Variants in SHROOM3 observed in about 807,000 individuals in gnomAD.
The protein encoded by SHROOM3 is protein Shroom3.
A neutral mutation model predicts 138.6 loss-of-function variants in SHROOM3; 47 were observed. That is an observed-to-expected ratio of 0.34 (90% CI 0.27 to 0.43). The LOEUF is 0.43. SHROOM3 is among the 20% of genes least tolerant of loss of function. The pLI, the probability that SHROOM3 is intolerant of heterozygous loss-of-function variation, is 1.00. For synonymous variants in SHROOM3, 1,062 were observed against 1,063.3 expected (o/e 1.00, Z 0.02); for missense variants, 2,491 against 2,596.5 (o/e 0.96, Z 0.88).
chr4:76,625,385 A>G (rs1462042053), intron 2 of SHROOM3, among the ~76,000 whole-genome samples: 1 of 152,110 alleles, frequency 6.6e-6, no homozygotes, highest in African/African-American at 2.4e-5. Flanking sequence ...TGGGGATATG[A>G]AACAAATCTT....
chr4:76,740,670 C>T lies in SHROOM3; in HGVS notation c.2497C>T (p.Arg833Cys). Residue 833 changes from arginine (R) to cysteine (C), a missense_variant, in exon 5 of 11, where the codon CGT becomes TGT. By Grantham distance (180) the Arg-to-Cys change is radical. This residue lies in a region of SHROOM3 where 1,733 missense variants were observed against 1,661.6 expected (regional missense o/e 1.04). Coordinates refer to ENST00000296043, the MANE Select transcript of SHROOM3 (RefSeq NM_020859.4). This position sits in a 1 kb window ranked among gnomAD's most constrained non-coding sequence, Gnocchi z 4.0. Reference sequence around the variant, plus strand: ...CTTCGAGGAGACAAAAGCACACATTCGTTTCTCTGAGTCAGCTGAACCCCT... The same window carrying T: ...CTTCGAGGAGACAAAAGCACACATTTGTTTCTCTGAGTCAGCTGAACCCCT... Reference protein sequence around the residue: ...NDFEETKAHIRFSESAEPLGN... With the variant: ...NDFEETKAHICFSESAEPLGN... The T allele has an allele frequency of 2.5e-6, 4 of 1,614,130 alleles. No individual in the cohort carries two copies. Among genetic ancestry groups the T allele is most frequent in the Non-Finnish European group, 2.5e-6 (3 of 1,180,036 alleles).
intron 1 of SHROOM3, among the ~76,000 whole-genome samples, chr4:76,522,777 G>A (rs2110011488): frequency 6.6e-6 from 1 of 152,226 alleles, no homozygotes; most frequent in African/African-American, 2.4e-5. Flanking sequence ...AACAAAGTGA[G>A]ACTCTGTCTC....
At chr4:76,650,863 A>C (rs1735941077) in intron 2 of SHROOM3, among the ~76,000 whole-genome samples, 1 of 152,168 alleles carries the variant, frequency 6.6e-6, no homozygotes, top group African/African-American at 2.4e-5. Flanking sequence ...TACAATAGCT[A>C]AGATTTGGAA....
chr4:76,703,416 A>G (rs1719959000), intron 2 of SHROOM3, among the ~76,000 whole-genome samples: 1 of 151,988 alleles, frequency 6.6e-6, no homozygotes, highest in South Asian at 2.1e-4. Context: ...GGCCTTTTAA[A>G]GAAAGGGTAA....
chr4:76,658,447 T>C (rs140835042), intron 2 of SHROOM3, among the ~76,000 whole-genome samples: 1 of 152,226 alleles, frequency 6.6e-6, no homozygotes, highest in African/African-American at 2.4e-5. Flanking sequence ...TAACAGGAAA[T>C]AGCAAGACTA....
chr4:76,491,873 T>C (rs1172047394), intron 1 of SHROOM3, among the ~76,000 whole-genome samples: 3 of 152,208 alleles, frequency 2.0e-5, no homozygotes, highest in Non-Finnish European at 4.4e-5. Flanking sequence ...ATTTTGGATA[T>C]TAATTTTGGA....
intron 9 of SHROOM3, among the ~76,000 whole-genome samples, chr4:76,763,168 T>C (rs1722041485): frequency 1.3e-5 from 2 of 152,098 alleles, no homozygotes; most frequent in African/African-American, 4.8e-5. Flanking sequence ...GGAGGATTGC[T>C]GGAGCCCAGG....
intron 1 of SHROOM3, among the ~76,000 whole-genome samples, chr4:76,458,775 T>A (rs1731083969): frequency 6.6e-6 from 1 of 152,230 alleles, no homozygotes. Context: ...ATGGAAGCAT[T>A]TTTACCAGGC....
chr4:76,472,565 A>G (rs748185591), intron 1 of SHROOM3, among the ~76,000 whole-genome samples: 7 of 152,116 alleles, frequency 4.6e-5, no homozygotes, highest in Non-Finnish European at 8.8e-5. Flanking sequence ...TCTATATTAT[A>G]TGTACTTTTT....
intron 2 of SHROOM3, among the ~76,000 whole-genome samples, chr4:76,630,533 G>A (rs1258927661): frequency 6.6e-6 from 1 of 152,206 alleles, no homozygotes; most frequent in Non-Finnish European, 1.5e-5. Context: ...GTCGGAGAGA[G>A]CCTTCTGAGT....
At position 76,741,491 on chromosome 4, in the gene SHROOM3, C is replaced by G; in HGVS notation, c.3318C>G (p.Leu1106=). Residue 1106 remains leucine, a synonymous_variant, in exon 5 of 11, where the codon CTC becomes CTG. Coordinates refer to ENST00000296043, the MANE Select transcript of SHROOM3 (RefSeq NM_020859.4). The surrounding 1 kb of genome is among the most constrained non-coding windows in gnomAD (Gnocchi z 6.2). The part of the protein sequence containing the change: ...KRPTSAAGCS[L]QEPGPLRERA... Reference sequence around the variant, plus strand: ...CTACCTCCGCCGCCGGCTGCAGCCTCCAGGAGCCCGGGCCACTGCGTGAGC... The same window carrying G: ...CTACCTCCGCCGCCGGCTGCAGCCTGCAGGAGCCCGGGCCACTGCGTGAGC... 6.4e-7 allele frequency: 1 copy of G among 1,557,342 alleles called. No homozygotes were observed. Among genetic ancestry groups the G allele is most frequent in the Non-Finnish European group, 8.7e-7 (1 of 1,155,982 alleles).
At chr4:76,623,928 G>C (rs1735062759) in intron 2 of SHROOM3, among the ~76,000 whole-genome samples, 1 of 152,202 alleles carries the variant, frequency 6.6e-6, no homozygotes. Context: ...AAAGCATACA[G>C]TGGAGATGGT....
intron 1 of SHROOM3, among the ~76,000 whole-genome samples, chr4:76,514,926 T>TA (rs1402635952): frequency 9.9e-5 from 15 of 151,828 alleles, no homozygotes; most frequent in Non-Finnish European, 1.9e-4. Flanking sequence ...ACCCATTTGT[T>TA]AAAAAAGTTC....
intron 3 of SHROOM3, among the ~76,000 whole-genome samples, chr4:76,711,182 C>T (rs1418388166): frequency 1.3e-5 from 2 of 152,010 alleles, no homozygotes; most frequent in Non-Finnish European, 2.9e-5. Context: ...GTCAGACTAC[C>T]TAAAATTCAA....
At chr4:76,653,163 G>A (rs1477245434) in intron 2 of SHROOM3, among the ~76,000 whole-genome samples, 1 of 152,102 alleles carries the variant, frequency 6.6e-6, no homozygotes, top group African/African-American at 2.4e-5. Context: ...TATCAAGTAT[G>A]ATGATCATTT....
At chr4:76,570,924 C>G (rs560157968) in intron 2 of SHROOM3, among the ~76,000 whole-genome samples, 1 of 152,158 alleles carries the variant, frequency 6.6e-6, no homozygotes, top group African/African-American at 2.4e-5. Context: ...ACTAAATGTA[C>G]ATGAGGTGAT....
intron 2 of SHROOM3, among the ~76,000 whole-genome samples, chr4:76,659,394 GGA>G (rs1736136188): frequency 6.6e-6 from 1 of 152,124 alleles, no homozygotes; most frequent in Non-Finnish European, 1.5e-5. Context: ...GGGCTCCTTT[GGA>G]AAAAGTACAG....
intron 2 of SHROOM3, chr4:76,709,950 A>T (rs1389065620): frequency 1.8e-6 from 1 of 559,836 alleles, no homozygotes; most frequent in Admixed American, 3.1e-5. Context: ...TGGATAAAAA[A>T]GGAAGACACG....
chr4:76,713,927 C>T (rs528760378), intron 3 of SHROOM3, among the ~76,000 whole-genome samples: 1 of 152,294 alleles, frequency 6.6e-6, no homozygotes, highest in South Asian at 2.1e-4. Flanking sequence ...CTCTGCAACC[C>T]AACTGTTACT....
Sources: allele counts gnomAD v4.1 joint callset (sites outside exome capture counted in the v4.1 genomes callset), GRCh38; gene constraint gnomAD v4.1.1; regional missense constraint gnomAD v4.1.1; non-coding constraint Gnocchi (gnomAD v3.1); transcripts MANE v1.5; gene names NCBI Gene and HGNC (gene_info 2026-07-23, HGNC 2026-07-21).